The following NBEA variants were observed in gnomAD, a reference collection of about 807,000 sequenced individuals.
The protein encoded by NBEA is lysosomal-trafficking regulator 2.
In NBEA, 44 loss-of-function variants were observed where a neutral mutation model predicts 343.4. The observed-to-expected ratio is 0.13, with a 90% confidence interval of 0.10 to 0.16. The LOEUF (loss-of-function observed/expected upper bound fraction) is 0.16, where lower values mean the gene tolerates loss of function less well. NBEA is among the 10% of genes least tolerant of loss of function. The pLI is 1.00. For synonymous variants in NBEA, 1,175 were observed against 1,238.7 expected (o/e 0.95, Z 1.08); for missense variants, 2,555 against 3,631.3 (o/e 0.70, Z 7.62).
At chr13:35,657,236 T>G (rs1426995003) in intron 55 of NBEA, among the ~76,000 whole-genome samples, 1 of 152,240 alleles carries the variant, frequency 6.6e-6, no homozygotes, top group Non-Finnish European at 1.5e-5. Context: ...GAACAGTGGA[T>G]GAAGAAACTA....
chr13:35,425,553 T>A (rs1419544797), intron 38 of NBEA, among the ~76,000 whole-genome samples: 3 of 152,128 alleles, frequency 2.0e-5, no homozygotes, highest in Non-Finnish European at 4.4e-5. Context: ...TGCTGAGGAG[T>A]GCTTTACTTC....
intron 7 of NBEA, 38 bp from the exon 8 acceptor site, chr13:35,058,678 TA>T (rs1440852170): frequency 1.3e-6 from 2 of 1,511,160 alleles, no homozygotes; most frequent in African/African-American, 1.4e-5. Context: ...TTTTTGTCAT[TA>T]AAAATAATGC....
chr13:35,404,536 A>G (rs983719783), intron 38 of NBEA, among the ~76,000 whole-genome samples: 12 of 145,714 alleles, frequency 8.2e-5, no homozygotes, highest in Non-Finnish European at 1.8e-4. Context: ...TCTTACTCAT[A>G]GGTGGGAATT....
chr13:35,155,087 G>T (rs1157579005), intron 18 of NBEA, among the ~76,000 whole-genome samples: 1 of 141,210 alleles, frequency 7.1e-6, no homozygotes, highest in East Asian at 2.1e-4. Context: ...CCATGATTGT[G>T]CCGCTGCAGT....
chr13:35,063,554 A>G (rs545558231), intron 8 of NBEA, among the ~76,000 whole-genome samples: 19 of 152,154 alleles, frequency 1.2e-4, no homozygotes, highest in African/African-American at 4.3e-4. Context: ...GAGTCAAGGA[A>G]GATTAATTCA....
chr13:35,157,940 C>A (rs548314643), intron 21 of NBEA, among the ~76,000 whole-genome samples: 1 of 152,164 alleles, frequency 6.6e-6, no homozygotes, highest in South Asian at 2.1e-4. Flanking sequence ...ATTAAGTCTT[C>A]TTGAACACGA....
In NBEA at chr13:35,110,855, A is replaced by G. The variant is rs766543777; in HGVS notation, c.1879A>G (p.Thr627Ala). Reference protein sequence around the residue: ...YTYLSAEFIGTATIYTTIRRV... With the variant: ...YTYLSAEFIGAATIYTTIRRV... ...ATATTTGTCTGCTGAATTTATTGGA[A>G]CTGCTACCATCTACACCACCATACG... The change falls in exon 13 of 59, where the codon ACT becomes GCT. Residue 627 changes from threonine (T) to alanine (A), a missense_variant. This residue lies in a region of NBEA where 360 missense variants were observed against 519.1 expected (regional missense o/e 0.69). Transcript: ENST00000379939. 1 of 1,612,522 alleles carries G rather than the reference A, an allele frequency of 6.2e-7. No individual in the cohort carries two copies. The highest frequency in any genetic ancestry group is 1.1e-5 in the South Asian group (1 of 91,020).
At chr13:35,141,786 T>C (rs1028349915) in intron 17 of NBEA, among the ~76,000 whole-genome samples, 1 of 152,242 alleles carries the variant, frequency 6.6e-6, no homozygotes, top group African/African-American at 2.4e-5. Flanking sequence ...TTATGCAGAA[T>C]TATTTTGTTT....
At chr13:35,543,570 GC>G (rs1306763681) in intron 41 of NBEA, among the ~76,000 whole-genome samples, 1 of 152,028 alleles carries the variant, frequency 6.6e-6, no homozygotes, top group East Asian at 1.9e-4. Context: ...ACTTTCCAAT[GC>G]CTCCATCAGG....
At chr13:35,109,251 C>A (rs746113457) in intron 11 of NBEA, 39 bp from the exon 12 acceptor site, 1 of 1,512,464 alleles carries the variant, frequency 6.6e-7, no homozygotes, top group East Asian at 2.3e-5. Context: ...ATTTGATATT[C>A]TGGATGTTTC....
intron 41 of NBEA, among the ~76,000 whole-genome samples, chr13:35,511,689 A>G (rs2077282164): frequency 6.6e-6 from 1 of 152,176 alleles, no homozygotes; most frequent in Non-Finnish European, 1.5e-5. Flanking sequence ...GCAGCATTAC[A>G]CTGTATCATA....
chr13:35,475,807 G>A, intron 41 of NBEA: 2 of 1,613,966 alleles, frequency 1.2e-6, no homozygotes, highest in Non-Finnish European at 1.7e-6. Context: ...CACCCAGAGG[G>A]ACATGCTCCT....
chr13:35,020,123 A>AG (rs1256082751), intron 1 of NBEA, among the ~76,000 whole-genome samples: 4 of 152,040 alleles, frequency 2.6e-5, no homozygotes, highest in African/African-American at 9.7e-5. Flanking sequence ...GAAAGCTTCT[A>AG]TAGTAATATA....
chr13:34,981,510 A>G (rs1593352941), intron 1 of NBEA, among the ~76,000 whole-genome samples: 1 of 152,172 alleles, frequency 6.6e-6, no homozygotes, highest in African/African-American at 2.4e-5. Flanking sequence ...TTTGAATGTT[A>G]TAAACAATCT....
chr13:35,481,238 T>G (rs1006781508), intron 41 of NBEA, among the ~76,000 whole-genome samples: 3 of 151,966 alleles, frequency 2.0e-5, no homozygotes, highest in Admixed American at 2.0e-4. Flanking sequence ...AAAAGAAAAT[T>G]TTGAGATTAA....
At chr13:35,308,184 G>A (rs1253668408) in intron 35 of NBEA, among the ~76,000 whole-genome samples, 1 of 151,424 alleles carries the variant, frequency 6.6e-6, no homozygotes, top group Non-Finnish European at 1.5e-5. Context: ...AAAGGGAAAG[G>A]GATCAGGAGT....
chr13:35,330,279 C>T lies in NBEA; in HGVS notation c.5904-18829C>T, dbSNP rs376003897. Reference sequence around the variant, plus strand: ...CACTTAGCCTATTAAGTAATCAGTTCTCAATGTTTCTGGAACATAATAAAG... The same window carrying T: ...CACTTAGCCTATTAAGTAATCAGTTTTCAATGTTTCTGGAACATAATAAAG... On this transcript the variant is annotated intron_variant, in intron 36 of 58. Coordinates refer to ENST00000379939, the MANE Select transcript of NBEA (RefSeq NM_001385012.1). 1.5e-4 allele frequency among the ~76,000 whole-genome samples: 23 copies of T among 152,136 alleles called. No homozygotes were observed. The South Asian group carries it at 2.3e-3, about 15-fold the overall frequency.
chr13:35,078,060 G>A (rs1035352674), intron 10 of NBEA, among the ~76,000 whole-genome samples: 4 of 152,126 alleles, frequency 2.6e-5, no homozygotes, highest in Admixed American at 1.3e-4. Flanking sequence ...CTTACTACCT[G>A]CTTTATAAAT....
At chr13:34,959,907 A>G (rs1372019755) in intron 1 of NBEA, among the ~76,000 whole-genome samples, 2 of 152,180 alleles carry the variant, frequency 1.3e-5, no homozygotes, top group Non-Finnish European at 2.9e-5. Flanking sequence ...TGTACAGTAC[A>G]TAATACTTGA....
Sources: allele counts gnomAD v4.1 joint callset (sites outside exome capture counted in the v4.1 genomes callset), GRCh38; gene constraint gnomAD v4.1.1; regional missense constraint gnomAD v4.1.1; transcripts MANE v1.5; gene names NCBI Gene and HGNC (gene_info 2026-07-23, HGNC 2026-07-21).